Variants in SOX5 observed in about 807,000 individuals in gnomAD.
SOX5 encodes transcription factor SOX-5.
A neutral mutation model predicts 92.0 loss-of-function variants in SOX5; 9 were observed. That is an observed-to-expected ratio of 0.10 (90% CI 0.06 to 0.17). The LOEUF (loss-of-function observed/expected upper bound fraction) is 0.17. Ranked by LOEUF, SOX5 falls within the 10% of genes least tolerant of loss-of-function variation. The probability of loss-of-function intolerance (pLI) is 1.00; values close to 1 mark genes in which losing one functional copy is unlikely to be tolerated. For synonymous variants in SOX5, 344 were observed against 336.3 expected (o/e 1.02, Z -0.25); for missense variants, 642 against 944.5 (o/e 0.68, Z 4.20).
chr12:24,029,089 A>G (rs958736257), intron 4 of SOX5, among the ~76,000 whole-genome samples: 8 of 152,010 alleles, frequency 5.3e-5, no homozygotes, highest in Non-Finnish European at 1.0e-4. Context: ...CAGGAGACAC[A>G]GCAAAATTAT....
At chr12:23,744,540 A>G (rs529236371) in intron 4 of SOX5, among the ~76,000 whole-genome samples, 1 of 152,322 alleles carries the variant, frequency 6.6e-6, no homozygotes, top group African/African-American at 2.4e-5. Context: ...CTGCATTGAT[A>G]TTAATCAATC....
At chr12:23,933,071 C>A (rs1390075992) in intron 1 of SOX5, among the ~76,000 whole-genome samples, 2 of 151,632 alleles carry the variant, frequency 1.3e-5, no homozygotes, top group African/African-American at 4.8e-5. Context: ...TGTATTAGAT[C>A]CCCTTTTACA....
intron 4 of SOX5, among the ~76,000 whole-genome samples, chr12:24,194,794 T>A (rs11047307): frequency 6.6e-6 from 1 of 151,952 alleles, no homozygotes; most frequent in African/African-American, 2.4e-5. Context: ...TCATTTAATA[T>A]GTCAAAAAAA....
chr12:23,564,118 A>C (rs902464841), intron 10 of SOX5, among the ~76,000 whole-genome samples: 1 of 152,172 alleles, frequency 6.6e-6, no homozygotes, highest in Non-Finnish European at 1.5e-5. Context: ...AAGATGGCCA[A>C]ATGATCAGCT....
chr12:24,172,143 G>T (rs773973260), intron 4 of SOX5, among the ~76,000 whole-genome samples: 1 of 151,944 alleles, frequency 6.6e-6, no homozygotes, highest in African/African-American at 2.4e-5. Flanking sequence ...GGGATTGGAA[G>T]TAGTGACAAA....
intron 2 of SOX5, among the ~76,000 whole-genome samples, chr12:24,292,614 G>A (rs1310260331): frequency 1.3e-5 from 2 of 152,154 alleles, no homozygotes; most frequent in African/African-American, 2.4e-5. Context: ...ATTTCACAAA[G>A]AGAATTTTGT....
chr12:23,584,119 A>G (rs947988098), intron 9 of SOX5, among the ~76,000 whole-genome samples: 1 of 152,148 alleles, frequency 6.6e-6, no homozygotes, highest in African/African-American at 2.4e-5. Context: ...AATTACTATC[A>G]AAAGGAAAGC....
intron 2 of SOX5, among the ~76,000 whole-genome samples, chr12:24,290,601 T>G (rs1428927047): frequency 6.6e-6 from 1 of 152,156 alleles, no homozygotes; most frequent in Non-Finnish European, 1.5e-5. Context: ...GAGCCCATCT[T>G]GTGTCCTCCT....
intron 8 of SOX5, among the ~76,000 whole-genome samples, chr12:23,639,257 A>G (rs1017144651): frequency 6.6e-6 from 1 of 152,196 alleles, no homozygotes. Flanking sequence ...TTAGCATCAA[A>G]TATTCTCCCA....
In SOX5 at chr12:24,091,750, C is replaced by A. The variant is rs149918859; in HGVS notation, c.-2+121593G>T. ...TCTTTTTTCTTTAAGAGACACCAATCATTAAGCTTTGATATCAGAAAATCC... is the reference window on the plus strand; with the variant it reads ...TCTTTTTTCTTTAAGAGACACCAATAATTAAGCTTTGATATCAGAAAATCC... On this transcript the variant is annotated intron_variant, in intron 4 of 4. Coordinates refer to the SOX5 transcript ENST00000446891. Among the ~76,000 whole-genome samples, 307 of 152,224 alleles carry A rather than the reference C, an allele frequency of 2.0e-3. 1 individual carries two copies. Among genetic ancestry groups the A allele is most frequent in the African/African-American group, 7.0e-3 (290 of 41,530 alleles).
intron 6 of SOX5, among the ~76,000 whole-genome samples, chr12:23,719,975 G>C (rs1215337096): frequency 6.6e-6 from 1 of 152,092 alleles, no homozygotes; most frequent in African/African-American, 2.4e-5. Flanking sequence ...ATATGAGCCA[G>C]TAGAAGACAG....
chr12:23,977,238 T>C (rs1028688445), intron 4 of SOX5, among the ~76,000 whole-genome samples: 4 of 152,048 alleles, frequency 2.6e-5, no homozygotes, highest in African/African-American at 9.7e-5. Context: ...AGAGAGGAGG[T>C]AGTAAGGAAA....
At chr12:24,137,632 A>AAAAAAC (rs756423096) in intron 4 of SOX5, among the ~76,000 whole-genome samples, 26 of 152,140 alleles carry the variant, frequency 1.7e-4, no homozygotes, top group Admixed American at 3.3e-4. Flanking sequence ...CTCCGTCTCA[A>AAAAAAC]AAAAACAAAA....
intron 2 of SOX5, among the ~76,000 whole-genome samples, chr12:24,288,065 C>T (rs1023160441): frequency 2.0e-5 from 3 of 152,144 alleles, no homozygotes; most frequent in Non-Finnish European, 2.9e-5. Flanking sequence ...TATTCATTGA[C>T]AGAATATTGT....
intron 3 of SOX5, among the ~76,000 whole-genome samples, chr12:23,759,346 A>G (rs990873416): frequency 1.3e-5 from 2 of 152,068 alleles, no homozygotes; most frequent in African/African-American, 4.8e-5. Context: ...ATATAGTAGA[A>G]GGAATATTGG....
intron 7 of SOX5, among the ~76,000 whole-genome samples, chr12:23,652,999 T>TATGGATGG (rs34844724): frequency 7.3e-4 from 110 of 150,390 alleles, no homozygotes; most frequent in African/African-American, 2.4e-3. Flanking sequence ...GATGAATGAA[T>TATGGATGG]ATGGATGGAT....
intron 2 of SOX5, among the ~76,000 whole-genome samples, chr12:24,296,159 A>G (rs2140564514): frequency 6.6e-6 from 1 of 152,348 alleles, no homozygotes; most frequent in East Asian, 1.9e-4. Context: ...ACTCCATCCT[A>G]GGGCACTTAG....
intron 3 of SOX5, among the ~76,000 whole-genome samples, chr12:23,798,793 T>G (rs2095610562): frequency 6.6e-6 from 1 of 152,012 alleles, no homozygotes; most frequent in Non-Finnish European, 1.5e-5. Flanking sequence ...AATATAGAAC[T>G]CTGTTAAAGC....
At chr12:23,645,092 T>C (rs1490152922) in intron 7 of SOX5, among the ~76,000 whole-genome samples, 3 of 152,222 alleles carry the variant, frequency 2.0e-5, no homozygotes, top group African/African-American at 7.2e-5. Context: ...CTGTATTTAC[T>C]GCATTTCTAT....
Sources: allele counts gnomAD v4.1 joint callset (sites outside exome capture counted in the v4.1 genomes callset), GRCh38; gene constraint gnomAD v4.1.1; transcripts MANE v1.5; gene names NCBI Gene and HGNC (gene_info 2026-07-23, HGNC 2026-07-21).